METAP1: variants seen among roughly 807,000 people sequenced by gnomAD.
The protein encoded by METAP1 is methionyl aminopeptidase 1.
Under a neutral mutation model 53.8 loss-of-function variants are expected in METAP1, and 28 were observed. The ratio of observed to expected loss-of-function variants is 0.52; its 90% CI spans 0.39 to 0.71. The LOEUF is 0.71. METAP1 is among the 30% of genes least tolerant of loss of function. METAP1 has a pLI of 0.00. For missense variants in METAP1, 389 were observed against 479.8 expected (o/e 0.81, Z 1.77); for synonymous variants, 181 against 165.7 (o/e 1.09, Z -0.71).
intron 1 of METAP1, among the ~76,000 whole-genome samples, chr4:99,010,423 T>C (rs891460739): frequency 3.3e-5 from 5 of 152,202 alleles, no homozygotes; most frequent in African/African-American, 1.2e-4. Flanking sequence ...GCCACTGCAC[T>C]CCAGCTTAGG....
chr4:99,046,804 G>T (rs72910916), intron 8 of METAP1, among the ~76,000 whole-genome samples: 3,157 of 151,970 alleles, frequency 0.021, 98 homozygotes, highest in African/African-American at 0.07. Flanking sequence ...TACAGGAGGT[G>T]GAATTGAAGA....
At chr4:98,997,806 C>T (rs1299728043) in intron 1 of METAP1, among the ~76,000 whole-genome samples, 1 of 152,162 alleles carries the variant, frequency 6.6e-6, no homozygotes, top group Non-Finnish European at 1.5e-5. Flanking sequence ...GACATGCACT[C>T]AAATATTCCC....
chr4:99,001,532 C>T (rs1025021890), intron 1 of METAP1, among the ~76,000 whole-genome samples: 4 of 152,138 alleles, frequency 2.6e-5, no homozygotes, highest in African/African-American at 9.7e-5. Context: ...TACATATAAT[C>T]TTAGAGAATT....
intron 1 of METAP1, among the ~76,000 whole-genome samples, chr4:99,010,766 A>T (rs1723426836): frequency 6.6e-6 from 1 of 152,130 alleles, no homozygotes; most frequent in African/African-American, 2.4e-5. Flanking sequence ...GGTAATATTG[A>T]TATCTTAACC....
chr4:98,998,286 G>A (rs1261107656), intron 1 of METAP1, among the ~76,000 whole-genome samples: 1 of 152,214 alleles, frequency 6.6e-6, no homozygotes, highest in Non-Finnish European at 1.5e-5. Context: ...ACTTTGGGAG[G>A]CCTAGGCGGG....
Position 98,995,807 on chromosome 4 carries a change from C to T in METAP1, c.54C>T (p.Ala18=), listed in dbSNP as rs1175819869. ...AGACAGACGGCTGCAGCAGTGAGGCCAAGCTCCAGTGTCCCACTTGCATCA... is the reference window on the plus strand; with the variant it reads ...AGACAGACGGCTGCAGCAGTGAGGCTAAGCTCCAGTGTCCCACTTGCATCA... The part of the protein sequence containing the change: ...VCETDGCSSE[A]KLQCPTCIKL... Residue 18 remains alanine (A), a synonymous_variant, in exon 1 of 11, where the codon GCC becomes GCT. Transcript: ENST00000296411. 3.9e-6 allele frequency: 6 copies of T among 1,546,324 alleles called. No homozygotes were observed. Among genetic ancestry groups the T allele is most frequent in the Non-Finnish European group, 5.2e-6 (6 of 1,144,580 alleles).
At chr4:99,058,177 G>A (rs981997314) in intron 10 of METAP1, among the ~76,000 whole-genome samples, 1 of 152,114 alleles carries the variant, frequency 6.6e-6, no homozygotes, top group Non-Finnish European at 1.5e-5. Context: ...GAGCATTGAC[G>A]AGCCACCCAG....
intron 1 of METAP1, among the ~76,000 whole-genome samples, chr4:98,999,113 G>A (rs1201199183): frequency 8.6e-5 from 13 of 152,036 alleles, no homozygotes; most frequent in Non-Finnish European, 1.6e-4. Context: ...GGCCGAGAAT[G>A]TCTGTTTTTT....
intron 9 of METAP1, among the ~76,000 whole-genome samples, chr4:99,052,478 A>G (rs1318684279): frequency 1.3e-5 from 2 of 152,216 alleles, no homozygotes; most frequent in East Asian, 1.9e-4. Flanking sequence ...GCGGAAGGCA[A>G]AGAGGGAGTG....
chr4:99,046,315 G>GAGGC (rs1362011144), intron 8 of METAP1, among the ~76,000 whole-genome samples: 8 of 152,158 alleles, frequency 5.3e-5, no homozygotes, highest in Non-Finnish European at 1.0e-4. Context: ...TCGGGAGGCT[G>GAGGC]AGGCAGGAGA....
At chr4:99,060,832 G>A (rs1727500104) in intron 10 of METAP1, among the ~76,000 whole-genome samples, 1 of 152,086 alleles carries the variant, frequency 6.6e-6, no homozygotes, top group Non-Finnish European at 1.5e-5. Context: ...TACATATAAT[G>A]ATACATATAA....
At chr4:98,996,039 G>C (rs1194013593) in intron 1 of METAP1, among the ~76,000 whole-genome samples, 172 bp downstream of exon 1, 1 of 152,174 alleles carries the variant, frequency 6.6e-6, no homozygotes, top group African/African-American at 2.4e-5. Context: ...TGCCTCCTGG[G>C]GTCCCTGGGT....
intron 1 of METAP1, chr4:98,997,598 C>G (rs757678724): frequency 8.5e-5 from 13 of 153,530 alleles, no homozygotes; most frequent in Non-Finnish European, 1.5e-4. Context: ...ATATGTATTA[C>G]AATCTTCTGT....
At position 99,035,421 on chromosome 4, in the gene METAP1, A is replaced by G; in HGVS notation, c.301A>G (p.Ser101Gly). The change falls in exon 4 of 11, where the codon AGT (serine) becomes GGT (glycine). Residue 101 changes from serine to glycine, a missense_variant. By Grantham distance (56) the Ser-to-Gly change is moderately conservative. Coordinates refer to ENST00000296411, the MANE Select transcript of METAP1 (RefSeq NM_015143.3). Reference protein sequence around the residue: ...YPLMPTRPVPSYIQRPDYADH... With the variant: ...YPLMPTRPVPGYIQRPDYADH... ...TTAGATGCCAACAAGGCCAGTGCCA[A>G]GTTATATTCAAAGACCAGATTATGC... is the stretch of plus-strand genomic sequence containing the variant. The G allele has an allele frequency of 1.3e-6, 2 of 1,548,828 alleles. No homozygotes were observed. The highest frequency in any genetic ancestry group is 1.4e-5 in the African/African-American group (1 of 73,082).
intron 9 of METAP1, among the ~76,000 whole-genome samples, chr4:99,052,678 A>G (rs1437711360): frequency 6.6e-6 from 1 of 152,218 alleles, no homozygotes; most frequent in Admixed American, 6.5e-5. Context: ...TTACATTTCA[A>G]CATAAGATTT....
chr4:99,018,896 T>C (rs1212556841), intron 1 of METAP1, among the ~76,000 whole-genome samples: 1 of 152,164 alleles, frequency 6.6e-6, no homozygotes, highest in East Asian at 1.9e-4. Flanking sequence ...AATGTATTTG[T>C]ATCAGGGGAA....
In METAP1 at chr4:99,045,292, A is replaced by C. The variant is rs1395469201; in HGVS notation, c.769A>C (p.Met257Leu). Residue 257 changes from methionine (M) to leucine (L), a missense_variant, in exon 8 of 11, where the codon ATG becomes CTG. Physicochemically the swap from Met to Leu is conservative, Grantham distance 15. Coordinates refer to ENST00000296411, the MANE Select transcript of METAP1 (RefSeq NM_015143.3). The stretch of plus-strand genomic sequence containing the variant: ...TGTTCAGACCACATATGAGTGCCTG[A>C]TGCAAGCCATTGATGCAGGTCAGCC... ...KLVQTTYECLMQAIDAVKPGV... is the reference protein window; with the variant it reads ...KLVQTTYECLLQAIDAVKPGV... 6.2e-7 allele frequency: 1 copy of C among 1,613,792 alleles called. No individual in the cohort carries two copies. The highest frequency in any genetic ancestry group is 8.5e-7 in the Non-Finnish European group (1 of 1,179,790).
intron 2 of METAP1, among the ~76,000 whole-genome samples, 161 bp from the exon 3 acceptor site, chr4:99,034,069 A>G (rs1277742923): frequency 6.6e-6 from 1 of 152,174 alleles, no homozygotes; most frequent in Non-Finnish European, 1.5e-5. Flanking sequence ...TTGGTGATTT[A>G]GGTTAAGGTA....
chr4:98,997,213 A>G (rs1429683824), intron 1 of METAP1, among the ~76,000 whole-genome samples: 2 of 152,264 alleles, frequency 1.3e-5, no homozygotes, highest in Non-Finnish European at 2.9e-5. Context: ...GTAAAGATAT[A>G]AATAAATACA....
Sources: allele counts gnomAD v4.1 joint callset (sites outside exome capture counted in the v4.1 genomes callset), GRCh38; gene constraint gnomAD v4.1.1; transcripts MANE v1.5; gene names NCBI Gene and HGNC (gene_info 2026-07-23, HGNC 2026-07-21).